Variants in DLG2 observed in about 807,000 individuals in gnomAD.
DLG2 encodes discs large MAGUK scaffold protein 2.
DLG2 carries 45 observed loss-of-function variants against 132.5 expected under a neutral mutation model. That is an observed-to-expected ratio of 0.34 (90% CI 0.27 to 0.44). The LOEUF (loss-of-function observed/expected upper bound fraction) is 0.44, where lower values mean the gene tolerates loss of function less well. Ranked by LOEUF, DLG2 falls within the 20% of genes least tolerant of loss-of-function variation. The pLI, the probability that DLG2 is intolerant of heterozygous loss-of-function variation, is 1.00. For missense variants in DLG2, 1,045 were observed against 1,196.9 expected, an observed-to-expected ratio of 0.87 and a Z score of 1.87; for synonymous variants, 424 against 419.6, an observed-to-expected ratio of 1.01 and a Z score of -0.13.
chr11:83,478,581 T>C (rs2092815851), intron 22 of DLG2, among the ~76,000 whole-genome samples: 1 of 152,104 alleles, frequency 6.6e-6, no homozygotes, highest in African/African-American at 2.4e-5. Context: ...TTAATAATTC[T>C]GGGAAAAATA....
At chr11:84,752,146 C>T (rs1288109247) in intron 6 of DLG2, among the ~76,000 whole-genome samples, 1 of 152,160 alleles carries the variant, frequency 6.6e-6, no homozygotes, top group Non-Finnish European at 1.5e-5. Context: ...GGTTTGTATT[C>T]AAGTTCTTTC....
intron 11 of DLG2, among the ~76,000 whole-genome samples, chr11:84,052,502 GAAAAAAA>G (rs1267299525): frequency 6.7e-6 from 1 of 150,280 alleles, no homozygotes. Context: ...AAATTTACAA[GAAAAAAA>G]ACAACCCCAT....
chr11:85,277,252 T>A (rs1309810371), intron 4 of DLG2, among the ~76,000 whole-genome samples: 1 of 152,158 alleles, frequency 6.6e-6, no homozygotes, highest in African/African-American at 2.4e-5. Flanking sequence ...GAAGACCAGT[T>A]AAAGCTTGTT....
chr11:83,801,353 C>G (rs1199316474), intron 17 of DLG2, among the ~76,000 whole-genome samples: 1 of 152,188 alleles, frequency 6.6e-6, no homozygotes, highest in Non-Finnish European at 1.5e-5. Flanking sequence ...ATCTCAAACT[C>G]TGTATCAGAT....
At chr11:83,841,350 T>C (rs10501549) in intron 16 of DLG2, among the ~76,000 whole-genome samples, 11,732 of 152,300 alleles carry the variant, frequency 0.077, 482 homozygotes, top group South Asian at 0.13. Flanking sequence ...CTGTTACTAA[T>C]CATTATTATA....
chr11:85,060,587 C>T (rs1252593223), intron 6 of DLG2, among the ~76,000 whole-genome samples: 1 of 151,162 alleles, frequency 6.6e-6, no homozygotes, highest in African/African-American at 2.4e-5. Flanking sequence ...CCCCAATGGA[C>T]ATTTAGGTTG....
At chr11:84,663,862 C>A (rs2099697312) in intron 6 of DLG2, among the ~76,000 whole-genome samples, 1 of 152,158 alleles carries the variant, frequency 6.6e-6, no homozygotes, top group Non-Finnish European at 1.5e-5. Flanking sequence ...TCCACTCCTG[C>A]TATTTTCCCT....
intron 18 of DLG2, among the ~76,000 whole-genome samples, chr11:83,755,378 A>G (rs1308391907): frequency 2.0e-5 from 3 of 151,200 alleles, no homozygotes; most frequent in Admixed American, 6.6e-5. Context: ...AACGGCAAAA[A>G]CTAGATATGA....
At chr11:84,635,998 G>A (rs1227905758) in intron 6 of DLG2, among the ~76,000 whole-genome samples, 1 of 152,192 alleles carries the variant, frequency 6.6e-6, no homozygotes, top group East Asian at 1.9e-4. Flanking sequence ...TGTAGAACTT[G>A]GTAGTTTACC....
intron 11 of DLG2, among the ~76,000 whole-genome samples, chr11:84,007,561 T>G (rs1481396737): frequency 6.6e-6 from 1 of 151,754 alleles, no homozygotes; most frequent in Non-Finnish European, 1.5e-5. Context: ...TTTACACAAA[T>G]AAATTCAGCT....
chr11:83,716,547 T>C (rs943710416), intron 18 of DLG2, among the ~76,000 whole-genome samples: 3 of 152,224 alleles, frequency 2.0e-5, no homozygotes, highest in African/African-American at 7.2e-5. Flanking sequence ...CTCGGGGATA[T>C]ACAAACTGTT....
intron 3 of DLG2, among the ~76,000 whole-genome samples, chr11:85,548,050 TGGA>T (rs1383907407): frequency 6.6e-6 from 1 of 152,200 alleles, no homozygotes; most frequent in East Asian, 1.9e-4. Context: ...TGTGATCCTT[TGGA>T]GGAGAATAGG....
Position 83,874,442 on chromosome 11 carries a change from G to T in DLG2, c.1543C>A (p.Gln515Lys). 2 of 1,600,696 alleles carry T rather than the reference G, an allele frequency of 1.2e-6. No individual in the cohort carries two copies. The highest frequency in any genetic ancestry group is 1.7e-6 in the Non-Finnish European group (2 of 1,171,886). The change falls in exon 16 of 28, where the codon CAA becomes AAA. Residue 515 changes from glutamine to lysine, a missense_variant. By Grantham distance (53) the Gln-to-Lys change is moderately conservative. Coordinates refer to ENST00000376104, the MANE Select transcript of DLG2 (RefSeq NM_001142699.3). ...TATRQPSMTL[Q>K]RAVSLEGEPR... ...TACCCTTCCAGGGAGACGGCCCGTT[G>T]GAGAGTCATTGAAGGCTGACGAGTT... is the stretch of plus-strand genomic sequence containing the variant.
intron 6 of DLG2, among the ~76,000 whole-genome samples, chr11:84,543,638 T>G (rs2099383765): frequency 6.6e-6 from 1 of 152,180 alleles, no homozygotes; most frequent in African/African-American, 2.4e-5. Flanking sequence ...AGTAAGTACT[T>G]TGCAGCCAGA....
chr11:84,156,192 C>A (rs1461055305), intron 9 of DLG2, among the ~76,000 whole-genome samples: 1 of 152,106 alleles, frequency 6.6e-6, no homozygotes, highest in Non-Finnish European at 1.5e-5. Flanking sequence ...ACAATCTGAG[C>A]CGCTCAGCCA....
At chr11:85,196,971 A>G (rs1422417505) in intron 4 of DLG2, among the ~76,000 whole-genome samples, 1 of 152,196 alleles carries the variant, frequency 6.6e-6, no homozygotes, top group Non-Finnish European at 1.5e-5. Flanking sequence ...TTGGCACCTT[A>G]TATTCCTCTC....
chr11:84,637,513 C>T (rs963303004), intron 6 of DLG2, among the ~76,000 whole-genome samples: 34 of 152,192 alleles, frequency 2.2e-4, no homozygotes, highest in Non-Finnish European at 4.3e-4. Context: ...ATTGAATTGT[C>T]ATGGACCTCT....
chr11:84,689,507 A>G (rs945562087), intron 6 of DLG2, among the ~76,000 whole-genome samples: 1 of 152,098 alleles, frequency 6.6e-6, no homozygotes, highest in Non-Finnish European at 1.5e-5. Context: ...GGTGTGAAAG[A>G]TAAGAATGAA....
At chr11:84,854,357 A>C (rs1566158046) in intron 6 of DLG2, among the ~76,000 whole-genome samples, 1 of 151,814 alleles carries the variant, frequency 6.6e-6, no homozygotes, top group Non-Finnish European at 1.5e-5. Context: ...CATTTGCAAG[A>C]CTGGAATGGT....
Sources: gnomAD v4.1 joint callset for allele counts (sites outside exome capture counted in the v4.1 genomes callset) on GRCh38, gnomAD v4.1.1 for gene constraint, MANE v1.5 for transcripts, NCBI Gene and HGNC (gene_info 2026-07-23, HGNC 2026-07-21) for gene names.